The following CRPPA variants were observed in gnomAD, a reference collection of about 807,000 sequenced individuals.
CRPPA encodes D-ribitol-5-phosphate cytidylyltransferase.
Under a neutral mutation model 52.0 loss-of-function variants are expected in CRPPA, and 43 were observed. That is an observed-to-expected ratio of 0.83 (90% confidence interval 0.65 to 1.07). The LOEUF (loss-of-function observed/expected upper bound fraction) is 1.07, where lower values mean the gene tolerates loss of function less well. Among genes scored for constraint, CRPPA ranks in the 50% least tolerant of loss-of-function variants. The pLI is 0.00. For missense variants in CRPPA, 629 were observed against 551.7 expected, an observed-to-expected ratio of 1.14 and a Z score of -1.40; for synonymous variants, 250 against 203.5, an observed-to-expected ratio of 1.23 and a Z score of -1.94.
chr7:16,347,040 T>C (rs531454800), intron 3 of CRPPA, among the ~76,000 whole-genome samples: 148 of 152,176 alleles, frequency 9.7e-4, no homozygotes, highest in African/African-American at 3.3e-3. Flanking sequence ...TTTGAGAATA[T>C]TTGTCCATAA....
intron 2 of CRPPA, among the ~76,000 whole-genome samples, chr7:16,397,106 G>C (rs1787604216): frequency 6.6e-6 from 1 of 151,866 alleles, no homozygotes; most frequent in Non-Finnish European, 1.5e-5. Context: ...TGTGAAATAA[G>C]ACACGTGGAC....
chr7:16,174,719 C>T (rs937048453), intron 9 of CRPPA, among the ~76,000 whole-genome samples: 1 of 151,822 alleles, frequency 6.6e-6, no homozygotes, highest in Non-Finnish European at 1.5e-5. Context: ...TTCAAAGTAG[C>T]ACATGGATAT....
intron 3 of CRPPA, among the ~76,000 whole-genome samples, chr7:16,333,334 T>C (rs1419876457): frequency 6.6e-6 from 1 of 152,174 alleles, no homozygotes; most frequent in Non-Finnish European, 1.5e-5. Context: ...CTCAGACTCA[T>C]ATGAAGCATT....
chr7:16,164,503 T>C (rs1329144782), intron 9 of CRPPA, among the ~76,000 whole-genome samples: 2 of 152,204 alleles, frequency 1.3e-5, no homozygotes, highest in Non-Finnish European at 2.9e-5. Flanking sequence ...TGAAGCCTAC[T>C]TCTGTCAGTT....
chr7:16,145,469 A>G (rs1377465960), intron 9 of CRPPA, among the ~76,000 whole-genome samples: 1 of 152,158 alleles, frequency 6.6e-6, no homozygotes, highest in Admixed American at 6.5e-5. Flanking sequence ...AAATTAATAA[A>G]CCCTCAGTAA....
intron 3 of CRPPA, among the ~76,000 whole-genome samples, chr7:16,344,155 C>T (rs758733001): frequency 6.6e-5 from 10 of 151,964 alleles, no homozygotes; most frequent in African/African-American, 1.2e-4. Context: ...TGAAAATGTT[C>T]GGTTTTTAAC....
chr7:16,172,290 A>G (rs62440374), intron 9 of CRPPA, among the ~76,000 whole-genome samples: 46,843 of 152,086 alleles, frequency 0.31, 8,492 homozygotes, highest in Admixed American at 0.41. Context: ...CTAGAGGGGA[A>G]AGTGCAGCTA....
chr7:16,144,505 A>G (rs963459898), intron 9 of CRPPA, among the ~76,000 whole-genome samples: 9 of 152,238 alleles, frequency 5.9e-5, no homozygotes, highest in Admixed American at 5.2e-4. Flanking sequence ...GCAAAGCTTC[A>G]GGGAAGGATG....
chr7:16,372,176 CA>C (rs1396506802), intron 3 of CRPPA, among the ~76,000 whole-genome samples: 2 of 152,050 alleles, frequency 1.3e-5, no homozygotes, highest in Non-Finnish European at 2.9e-5. Context: ...TCTAGACATC[CA>C]AATACAAGCA....
chr7:16,371,904 G>A (rs774421391), intron 3 of CRPPA, among the ~76,000 whole-genome samples: 33 of 151,904 alleles, frequency 2.2e-4, no homozygotes, highest in Non-Finnish European at 4.1e-4. Context: ...CACACCTAGG[G>A]AAATACAAAA....
intron 3 of CRPPA, among the ~76,000 whole-genome samples, chr7:16,364,825 C>T (rs1298233628): frequency 6.6e-6 from 1 of 152,072 alleles, no homozygotes; most frequent in Non-Finnish European, 1.5e-5. Flanking sequence ...ATCAGCCAGC[C>T]CACATAACAA....
At chr7:16,188,113 C>A (rs1003931708) in intron 9 of CRPPA, among the ~76,000 whole-genome samples, 3 of 142,484 alleles carry the variant, frequency 2.1e-5, no homozygotes, top group African/African-American at 7.8e-5. Flanking sequence ...GTGGTGCGAT[C>A]TCAGCTCACT....
chr7:16,239,152 A>AAAAAAAAAAAAAAAAAC (rs1783034166), intron 8 of CRPPA, among the ~76,000 whole-genome samples: 1 of 151,108 alleles, frequency 6.6e-6, no homozygotes, highest in Non-Finnish European at 1.5e-5. Context: ...AAAAAAAAAA[A>AAAAAAAAAAAAAAAAAC]AAAAAGCCAT....
intron 3 of CRPPA, among the ~76,000 whole-genome samples, chr7:16,313,281 G>T (rs1052172611): frequency 4.0e-5 from 6 of 151,856 alleles, no homozygotes; most frequent in Admixed American, 3.9e-4. Flanking sequence ...AGTTCTTCCT[G>T]TATGATTTTG....
chr7:16,208,251 A>G (rs1782021136), intron 9 of CRPPA, among the ~76,000 whole-genome samples: 1 of 152,184 alleles, frequency 6.6e-6, no homozygotes, highest in Admixed American at 6.5e-5. Context: ...AAGTCTCACA[A>G]AAACAAGGGA....
At chr7:16,203,985 T>C (rs1781914096) in intron 9 of CRPPA, among the ~76,000 whole-genome samples, 1 of 152,152 alleles carries the variant, frequency 6.6e-6, no homozygotes, top group South Asian at 2.1e-4. Context: ...GATCACTATA[T>C]TCAAAATTTT....
chr7:16,278,203 C>A lies in CRPPA; in HGVS notation c.859G>T (p.Val287Leu). ...TTATCTTCTTCTGTATCCATAACTA[C>A]ACAAATCTCTTGGGAAATTCTCTCT... ...IKERISQEIC[V>L]VMDTEEDNKH... The change falls in exon 6 of 10, where the codon GTA (valine) becomes TTA (leucine). Residue 287 changes from valine to leucine, a missense_variant. By Grantham distance (32) the Val-to-Leu change is conservative. Transcript: ENST00000407010. 1 of 1,563,264 alleles carries A rather than the reference C, an allele frequency of 6.4e-7. No homozygotes were observed. The highest frequency in any genetic ancestry group is 8.7e-7 in the Non-Finnish European group (1 of 1,147,794).
At chr7:16,249,503 C>A (rs1377081384) in intron 8 of CRPPA, among the ~76,000 whole-genome samples, 1 of 152,150 alleles carries the variant, frequency 6.6e-6, no homozygotes, top group Non-Finnish European at 1.5e-5. Context: ...TGGTGGGTGC[C>A]CCTCTGGGAC....
At chr7:16,350,386 T>C (rs370518739) in intron 3 of CRPPA, among the ~76,000 whole-genome samples, 5 of 152,260 alleles carry the variant, frequency 3.3e-5, no homozygotes, top group South Asian at 2.1e-4. Context: ...ATATCTGTAG[T>C]ACAAATGTTA....
Sources: allele counts gnomAD v4.1 joint callset (sites outside exome capture counted in the v4.1 genomes callset), GRCh38; gene constraint gnomAD v4.1.1; transcripts MANE v1.5; gene names NCBI Gene and HGNC (gene_info 2026-07-23, HGNC 2026-07-21).